Variants in GKAP1 observed in about 807,000 individuals in gnomAD.
GKAP1 encodes the protein G kinase-anchoring protein 1.
GKAP1 carries 31 observed loss-of-function variants against 56.7 expected under a neutral mutation model. That is an observed-to-expected ratio of 0.55 (90% CI 0.41 to 0.74). GKAP1 has a LOEUF of 0.74. Among genes scored for constraint, GKAP1 ranks in the 30% least tolerant of loss-of-function variants. The pLI is 0.00. For missense variants in GKAP1, 364 were observed against 402.3 expected (o/e 0.90, Z 0.82); for synonymous variants, 151 against 138.6 (o/e 1.09, Z -0.63).
chr9:83,808,587 C>T (rs1944469228), intron 2 of GKAP1, among the ~76,000 whole-genome samples: 1 of 151,936 alleles, frequency 6.6e-6, no homozygotes, highest in Non-Finnish European at 1.5e-5. Flanking sequence ...CGGAGTCAGA[C>T]TCTCTCTCAA....
intron 5 of GKAP1, among the ~76,000 whole-genome samples, chr9:83,788,183 C>A (rs992149063): frequency 6.6e-6 from 1 of 152,210 alleles, no homozygotes; most frequent in Non-Finnish European, 1.5e-5. Flanking sequence ...GAGGCTGAGG[C>A]GTGAGAATCG....
At chr9:83,764,745 G>A (rs1253427829) in intron 8 of GKAP1, among the ~76,000 whole-genome samples, 2 of 152,204 alleles carry the variant, frequency 1.3e-5, no homozygotes, top group Non-Finnish European at 2.9e-5. Flanking sequence ...TTCTTGCTAT[G>A]CTTTAGCAAA....
At chr9:83,816,454 A>C (rs1424140396) in intron 2 of GKAP1, among the ~76,000 whole-genome samples, 1 of 152,374 alleles carries the variant, frequency 6.6e-6, no homozygotes, top group East Asian at 1.9e-4. Flanking sequence ...ATTTTCACAC[A>C]AGGTTCTTTT....
At chr9:83,791,154 G>A (rs1200101582) in intron 4 of GKAP1, among the ~76,000 whole-genome samples, 1 of 152,168 alleles carries the variant, frequency 6.6e-6, no homozygotes, top group Non-Finnish European at 1.5e-5. Context: ...TGTAATCCCA[G>A]CACTTTGGGA....
intron 10 of GKAP1, among the ~76,000 whole-genome samples, chr9:83,743,619 G>A (rs1025736774): frequency 6.6e-6 from 1 of 152,048 alleles, no homozygotes; most frequent in Non-Finnish European, 1.5e-5. Flanking sequence ...AAACAATGCA[G>A]AGTGCTTTTT....
intron 7 of GKAP1, among the ~76,000 whole-genome samples, chr9:83,779,544 T>TAC (rs1169100002): frequency 6.2e-5 from 7 of 112,054 alleles, no homozygotes; most frequent in African/African-American, 8.5e-5. Flanking sequence ...TGTATATATA[T>TAC]ACACGTGTAT....
chr9:83,752,846 G>A (rs1943414191), intron 9 of GKAP1, among the ~76,000 whole-genome samples: 1 of 151,982 alleles, frequency 6.6e-6, no homozygotes, highest in Non-Finnish European at 1.5e-5. Context: ...TGGGGTGGGC[G>A]GATCTCTTGA....
At chr9:83,751,780 G>A (rs77534139) in intron 9 of GKAP1, among the ~76,000 whole-genome samples, 1 of 151,710 alleles carries the variant, frequency 6.6e-6, no homozygotes, top group Non-Finnish European at 1.5e-5. Flanking sequence ...AAAAACCTAA[G>A]GGGAGAGGTA....
At chr9:83,776,550 C>G (rs1943865456) in intron 7 of GKAP1, among the ~76,000 whole-genome samples, 1 of 152,022 alleles carries the variant, frequency 6.6e-6, no homozygotes, top group South Asian at 2.1e-4. Context: ...CAAAAATTAG[C>G]TGGGCATGGT....
At chr9:83,816,368 C>A (rs1039069166) in intron 2 of GKAP1, among the ~76,000 whole-genome samples, 3 of 152,270 alleles carry the variant, frequency 2.0e-5, no homozygotes, top group African/African-American at 7.2e-5. Flanking sequence ...TTCTGCAGGC[C>A]AAGAAAGTTA....
chr9:83,768,505 C>T (rs1317165713), intron 8 of GKAP1, among the ~76,000 whole-genome samples: 3 of 152,172 alleles, frequency 2.0e-5, no homozygotes, highest in Non-Finnish European at 4.4e-5. Context: ...CTCCATATCC[C>T]CACAACTCTG....
intron 8 of GKAP1, among the ~76,000 whole-genome samples, chr9:83,762,925 C>A (rs942267281): frequency 6.6e-6 from 1 of 152,142 alleles, no homozygotes; most frequent in Non-Finnish European, 1.5e-5. Flanking sequence ...CATGATCCAA[C>A]AATCCTGCTG....
chr9:83,791,081 T>G lies in GKAP1; in HGVS notation c.361-2403A>C, dbSNP rs540131867. Among the ~76,000 whole-genome samples the G allele has an allele frequency of 2.0e-5, 3 of 152,256 alleles. No homozygotes were observed. In the East Asian group the frequency reaches 5.8e-4, roughly 29 times the overall value. ...GAATTTAAATGTTAAGGCAGTTCAT[T>G]CTAATCGCATGATAAAAACTGAATG... On this transcript the variant is annotated intron_variant, in intron 4 of 12. Coordinates refer to ENST00000376371, the MANE Select transcript of GKAP1 (RefSeq NM_025211.4).
At chr9:83,804,837 G>A (rs1242730325) in intron 3 of GKAP1, among the ~76,000 whole-genome samples, 4 of 106,236 alleles carry the variant, frequency 3.8e-5, no homozygotes, top group African/African-American at 2.1e-4. Context: ...CCCCGTCCGG[G>A]AGGGAGGTGG....
intron 3 of GKAP1, among the ~76,000 whole-genome samples, chr9:83,804,084 C>T (rs1457881453): frequency 1.3e-5 from 2 of 150,138 alleles, no homozygotes; most frequent in Non-Finnish European, 3.0e-5. Flanking sequence ...AAGTGAGGAG[C>T]GTCTCCGCCC....
intron 2 of GKAP1, among the ~76,000 whole-genome samples, chr9:83,811,369 G>A (rs150146191): frequency 6.6e-6 from 1 of 152,172 alleles, no homozygotes; most frequent in South Asian, 2.1e-4. Context: ...ACATACTACG[G>A]AAGGAAAATA....
chr9:83,793,549 T>C (rs907695037), intron 4 of GKAP1, among the ~76,000 whole-genome samples: 8 of 152,258 alleles, frequency 5.3e-5, no homozygotes, highest in Non-Finnish European at 1.2e-4. Flanking sequence ...TTCTGAGTGC[T>C]GTTTGCATTT....
intron 12 of GKAP1, 52 bp from the exon 13 acceptor site, chr9:83,739,796 G>A: frequency 6.9e-7 from 1 of 1,443,954 alleles, no homozygotes; most frequent in Admixed American, 1.9e-5. Flanking sequence ...ACCATTTTGG[G>A]ACCACTTCAT....
chr9:83,801,825 C>T (rs1408229304), intron 3 of GKAP1, among the ~76,000 whole-genome samples: 1 of 152,186 alleles, frequency 6.6e-6, no homozygotes, highest in African/African-American at 2.4e-5. Context: ...TCTGAAAGAT[C>T]TGACTTCTGA....
Sources: gnomAD v4.1 joint callset for allele counts (sites outside exome capture counted in the v4.1 genomes callset) on GRCh38, gnomAD v4.1.1 for gene constraint, MANE v1.5 for transcripts, NCBI Gene and HGNC (gene_info 2026-07-23, HGNC 2026-07-21) for gene names.